The following ARPC1A variants were observed in gnomAD, a reference collection of about 807,000 sequenced individuals.
ARPC1A encodes the protein actin-related protein 2/3 complex subunit 1A.
ARPC1A carries 8 observed loss-of-function variants against 46.9 expected under a neutral mutation model. The ratio of observed to expected loss-of-function variants is 0.17; its 90% CI spans 0.10 to 0.31. ARPC1A has a LOEUF of 0.31. ARPC1A is among the 10% of genes least tolerant of loss of function. ARPC1A has a pLI of 1.00. For missense variants in ARPC1A, 286 were observed against 483.6 expected (o/e 0.59, Z 3.83); for synonymous variants, 152 against 169.0 (o/e 0.90, Z 0.78).
At chr7:99,328,403 G>C (rs893540896) in intron 1 of ARPC1A, among the ~76,000 whole-genome samples, 8 of 152,184 alleles carry the variant, frequency 5.3e-5, no homozygotes, top group Non-Finnish European at 8.8e-5. Context: ...AAGGGAGAAA[G>C]GGAACCTGCT....
At position 99,333,325 on chromosome 7, in the gene ARPC1A, C is replaced by T; in HGVS notation, c.-29C>T. ...TGCTTTTTGTTATTGTTCATTGCAG[C>T]TTTCTCTCCTTTGAAAACACTAAGA... On this transcript the variant is annotated splice_region_variant and 5_prime_UTR_variant, in exon 2 of 10. Transcript: ENST00000262942. 6.3e-7 allele frequency: 1 copy of T among 1,595,514 alleles called. No individual in the cohort carries two copies. Among genetic ancestry groups the T allele is most frequent in the Non-Finnish European group, 8.6e-7 (1 of 1,164,208 alleles).
intron 7 of ARPC1A, chr7:99,358,847 T>G (rs1287538658): frequency 6.4e-6 from 1 of 156,772 alleles, no homozygotes; most frequent in Non-Finnish European, 1.4e-5. Flanking sequence ...GTCACTTTTT[T>G]TTTGGAGACT....
intron 3 of ARPC1A, among the ~76,000 whole-genome samples, chr7:99,341,049 C>G (rs1793349369): frequency 6.6e-6 from 1 of 152,198 alleles, no homozygotes; most frequent in Non-Finnish European, 1.5e-5. Flanking sequence ...TGGCTCACAC[C>G]TGTAATCCCA....
chr7:99,347,694 ACT>A (rs1793477814), intron 4 of ARPC1A, among the ~76,000 whole-genome samples: 1 of 151,782 alleles, frequency 6.6e-6, no homozygotes, highest in Non-Finnish European at 1.5e-5. Context: ...ACAGAGTAAG[ACT>A]CTGTCTCAAA....
chr7:99,344,621 G>GT (rs771081767), intron 4 of ARPC1A, 106 bp downstream of exon 4: 69 of 1,201,328 alleles, frequency 5.7e-5, no homozygotes, highest in East Asian at 2.5e-4. Flanking sequence ...GAGTTGTGTG[G>GT]TTTTTTCTCT....
At chr7:99,359,069 G>T (rs1705122402) in intron 7 of ARPC1A, among the ~76,000 whole-genome samples, 2 of 150,702 alleles carry the variant, frequency 1.3e-5, no homozygotes, top group Admixed American at 1.3e-4. Flanking sequence ...CTGACCTCGT[G>T]ATCCGCCCAC....
chr7:99,358,729 G>A (rs1182500425), intron 7 of ARPC1A: 4 of 265,802 alleles, frequency 1.5e-5, no homozygotes, highest in East Asian at 1.1e-4. Flanking sequence ...TAGAAGAGAC[G>A]GGGTTTCTCC....
chr7:99,326,566 T>C (rs1793051389), intron 1 of ARPC1A, among the ~76,000 whole-genome samples: 2 of 152,214 alleles, frequency 1.3e-5, no homozygotes, highest in South Asian at 4.1e-4. Context: ...GGCGCTCTTA[T>C]TCATTTAGTG....
chr7:99,362,313 T>G (rs568151130), intron 8 of ARPC1A, among the ~76,000 whole-genome samples: 1 of 143,232 alleles, frequency 7.0e-6, no homozygotes, highest in African/African-American at 2.6e-5. Flanking sequence ...ATAAATAAAA[T>G]AAAAATGTAA....
At chr7:99,358,166 G>T (rs1402925785) in intron 6 of ARPC1A, among the ~76,000 whole-genome samples, 174 bp from the exon 7 acceptor site, 1 of 152,182 alleles carries the variant, frequency 6.6e-6, no homozygotes, top group African/African-American at 2.4e-5. Context: ...CCGGAACCCA[G>T]GGCTGCCCCT....
chr7:99,362,908 G>A (rs540157517), intron 8 of ARPC1A, among the ~76,000 whole-genome samples: 2 of 152,150 alleles, frequency 1.3e-5, no homozygotes, highest in South Asian at 2.1e-4. Flanking sequence ...CATTTATGAT[G>A]ATTCACTTCA....
chr7:99,364,564 G>A (rs925415681), intron 9 of ARPC1A, among the ~76,000 whole-genome samples: 30 of 152,098 alleles, frequency 2.0e-4, no homozygotes, highest in East Asian at 1.9e-4. Flanking sequence ...GAGCCACTGC[G>A]CCCAGCCAGA....
rs986372871 is a variant in ARPC1A at position 99,361,946 on chromosome 7, A to G, written c.984-1597A>G. Among the ~76,000 whole-genome samples the G allele has an allele frequency of 2.0e-5, 3 of 152,110 alleles. No homozygotes were observed. In the East Asian group the frequency reaches 5.8e-4, roughly 29 times the overall value. On this transcript the variant is annotated intron_variant, in intron 8 of 9. Transcript: ENST00000262942. ...GACACTCAAATTTGAATTTCATGTA[A>G]TTTTCACTTCATGAAATAATAGTCT...
intron 3 of ARPC1A, 72 bp downstream of exon 3, chr7:99,338,357 T>C (rs1178070431): frequency 4.5e-6 from 4 of 885,886 alleles, no homozygotes; most frequent in African/African-American, 4.0e-5. Context: ...ATAAAGAGCC[T>C]AATAAACCCA....
In ARPC1A at chr7:99,338,206, C is replaced by T. The variant is rs148558742; in HGVS notation, c.90C>T (p.His30=). Residue 30 remains histidine, a synonymous_variant, in exon 3 of 10, where the codon CAC becomes CAT. Coordinates refer to ENST00000262942, the MANE Select transcript of ARPC1A (RefSeq NM_006409.4). The part of the protein sequence containing the change: ...RTQIALSPNN[H]EVHIYKKNGS... Reference sequence around the variant, plus strand: ...AGATTGCCCTCAGTCCCAATAATCACGAAGTGCACATCTATAAGAAGAACG... The same window carrying T: ...AGATTGCCCTCAGTCCCAATAATCATGAAGTGCACATCTATAAGAAGAACG... 137 of 1,612,832 alleles carry T rather than the reference C, an allele frequency of 8.5e-5. 1 individual carries two copies. Among genetic ancestry groups the T allele is most frequent in the East Asian group, 1.1e-4 (5 of 44,856 alleles).
At chr7:99,354,402 C>A (rs180896827) in intron 6 of ARPC1A, among the ~76,000 whole-genome samples, 53 of 150,744 alleles carry the variant, frequency 3.5e-4, no homozygotes, top group African/African-American at 1.1e-3. Context: ...GGCGCCTGTA[C>A]TCCCAGCTAC....
intron 5 of ARPC1A, among the ~76,000 whole-genome samples, chr7:99,351,943 C>T (rs980713884): frequency 3.9e-5 from 6 of 152,096 alleles, no homozygotes; most frequent in East Asian, 1.9e-4. Flanking sequence ...TTAGTGGAAA[C>T]GGGCGACACC....
Position 99,358,428 on chromosome 7 carries a change from CTT to C in ARPC1A, c.789+14_789+15del, listed in dbSNP as rs1793679625. 1.9e-6 allele frequency: 3 copies of C among 1,610,488 alleles called. No individual in the cohort carries two copies. The African/African-American group carries it at 4.0e-5, about 22-fold the overall frequency. ...CGTCGTGGCTGCTGTGAGTATTTTT[CTT>C]CATTCTCCCTCGGGGTGCACTGTAT... On this transcript the variant is annotated intron_variant, in intron 7 of 9. Coordinates refer to ENST00000262942, the MANE Select transcript of ARPC1A (RefSeq NM_006409.4).
At chr7:99,360,148 GA>G in intron 8 of ARPC1A, 1 of 209,078 alleles carries the variant, frequency 4.8e-6, no homozygotes, top group Non-Finnish European at 9.8e-6. Context: ...CAGCCTGTTG[GA>G]AAAGGTAACT....
Sources: allele counts gnomAD v4.1 joint callset (sites outside exome capture counted in the v4.1 genomes callset), GRCh38; gene constraint gnomAD v4.1.1; transcripts MANE v1.5; gene names NCBI Gene and HGNC (gene_info 2026-07-23, HGNC 2026-07-21).